Variants in MAN2B1 observed in about 807,000 individuals in gnomAD.
MAN2B1 encodes lysosomal alpha-mannosidase.
MAN2B1 carries 99 observed loss-of-function variants against 127.5 expected under a neutral mutation model. The ratio of observed to expected loss-of-function variants is 0.78; its 90% CI spans 0.66 to 0.92. The LOEUF is 0.92. Ranked by LOEUF, MAN2B1 falls within the 40% of genes least tolerant of loss-of-function variation. The pLI is 0.00. For missense variants in MAN2B1, 1,304 were observed against 1,384.8 expected (o/e 0.94, Z 0.93); for synonymous variants, 573 against 568.8 (o/e 1.01, Z -0.11).
chr19:12,665,142 AG>A, intron 3 of MAN2B1, 157 bp from the exon 4 acceptor site: 1 of 1,014,326 alleles, frequency 9.9e-7, no homozygotes, highest in Non-Finnish European at 1.5e-6. Context: ...TATGGGAAAG[AG>A]GCCCCCTGCA....
intron 21 of MAN2B1, 129 bp downstream of exon 21, chr19:12,648,046 G>T (rs1372196044): frequency 2.1e-6 from 2 of 972,610 alleles, no homozygotes; most frequent in East Asian, 2.6e-5. Flanking sequence ...AGGGGATGGG[G>T]TTGGCCCGAG....
At chr19:12,648,436 C>CCAG (rs750339878) in intron 20 of MAN2B1, 34 bp from the exon 21 acceptor site, 2 of 1,557,654 alleles carry the variant, frequency 1.3e-6, no homozygotes, top group Admixed American at 3.4e-5. Context: ...GGGTGAGAGT[C>CCAG]GTGGGTTTGT....
At chr19:12,649,086 G>C in intron 20 of MAN2B1, 50 bp downstream of exon 20, 1 of 1,497,282 alleles carries the variant, frequency 6.7e-7, no homozygotes, top group Non-Finnish European at 9.3e-7. Context: ...GGTCCAGCAG[G>C]GGTCCAGGTT....
In MAN2B1 at chr19:12,666,660, G is replaced by T; in HGVS notation, c.42C>A (p.Gly14=). The change falls in exon 1 of 24, where the codon GGC becomes GGA. Residue 14 remains glycine, a synonymous_variant. Coordinates refer to ENST00000456935, the MANE Select transcript of MAN2B1 (RefSeq NM_000528.4). The part of the protein sequence containing the change: ...YARASGVCAR[G]CLDSAGPWTM... ...TCCAGGGGCCTGCTGAGTCCAGGCA[G>T]CCGCGAGCGCAGACCCCCGAAGCCC... 1 of 1,552,418 alleles carries T rather than the reference G, an allele frequency of 6.4e-7. No homozygotes were observed. The highest frequency in any genetic ancestry group is 2.0e-5 in the Admixed American group (1 of 51,164).
intron 11 of MAN2B1, 96 bp downstream of exon 11, chr19:12,657,350 G>A: frequency 1.7e-6 from 2 of 1,171,564 alleles, no homozygotes; most frequent in South Asian, 1.4e-5. Context: ...AGGGCTCTCG[G>A]CTACGCCTCA....
Position 12,665,539 on chromosome 19 carries a change from G to A in MAN2B1, c.263-14C>T. 1 of 1,614,048 alleles carries A rather than the reference G, an allele frequency of 6.2e-7. No individual in the cohort carries two copies. Among genetic ancestry groups the A allele is most frequent in the Non-Finnish European group, 8.5e-7 (1 of 1,179,992 alleles). ...TGTCATTCTTGACTGTGGATAACAG[G>A]GATAAGGCTCTCAGGGAACAGCAGA... is the stretch of plus-strand genomic sequence containing the variant. On this transcript the variant is annotated splice_polypyrimidine_tract_variant and intron_variant, in intron 2 of 23. Transcript: ENST00000456935.
In MAN2B1 at chr19:12,657,032, G is replaced by C. The variant is rs533428309; in HGVS notation, c.1444C>G (p.Arg482Gly). The change falls in exon 12 of 24, where the codon CGG becomes GGG. Residue 482 changes from arginine to glycine, a missense_variant. Coordinates refer to ENST00000456935, the MANE Select transcript of MAN2B1 (RefSeq NM_000528.4). ...CEVLLSNALA[R>G]LRGFKDHFTF... Reference sequence around the variant, plus strand: ...AAGTGATCTTTGAAGCCTCTGAGCCGCGCCAGCGCGTTGCTCAGAAGAACC... The same window carrying C: ...AAGTGATCTTTGAAGCCTCTGAGCCCCGCCAGCGCGTTGCTCAGAAGAACC... The C allele has an allele frequency of 1.2e-6, 2 of 1,611,912 alleles. No homozygotes were observed. Among genetic ancestry groups the C allele is most frequent in the South Asian group, 2.2e-5 (2 of 90,948 alleles).
rs577891354 is a variant in MAN2B1 at position 12,657,336 on chromosome 19, C to T, written c.1419+110G>A. 2.1e-4 allele frequency: 217 copies of T among 1,053,860 alleles called. 3 individuals carry two copies. The South Asian group carries it at 2.4e-3, about 12-fold the overall frequency. 65.3% of individuals were successfully genotyped at this position (1,053,860 alleles called of 1,614,324 possible). On this transcript the variant is annotated intron_variant, in intron 11 of 23. Coordinates refer to ENST00000456935, the MANE Select transcript of MAN2B1 (RefSeq NM_000528.4). Reference sequence around the variant, plus strand: ...GCCCCCACGAGCCCTTGTAGCCCCGCCACAGGGCTCTCGGCTACGCCTCAC... The same window carrying T: ...GCCCCCACGAGCCCTTGTAGCCCCGTCACAGGGCTCTCGGCTACGCCTCAC...
intron 11 of MAN2B1, 52 bp downstream of exon 11, chr19:12,657,394 C>T (rs2023992399): frequency 6.8e-7 from 1 of 1,475,460 alleles, no homozygotes; most frequent in South Asian, 1.2e-5. Flanking sequence ...AGGCCCTGGC[C>T]CCGCCCCTTC....
At chr19:12,658,579 A>C (rs1001534259) in intron 7 of MAN2B1, 69 bp from the exon 8 acceptor site, 1 of 1,319,494 alleles carries the variant, frequency 7.6e-7, no homozygotes, top group African/African-American at 1.5e-5. Flanking sequence ...ACTTCCACAC[A>C]TGTGTGCACA....
rs1351264934 is a variant in MAN2B1 at position 12,663,768 on chromosome 19, A to T, written c.698T>A (p.Leu233Gln). ...GGCCCGCCACACCTGCTCCATCTCC[A>T]GCTTCTGCATCCGTACCCACTTATC... ...YQDKWVRMQK[L>Q]EMEQVWRAST... Residue 233 changes from leucine to glutamine, a missense_variant, in exon 5 of 24, where the codon CTG (leucine) becomes CAG (glutamine). By Grantham distance (113) the Leu-to-Gln change is moderately radical. Transcript: ENST00000456935. 6 of 1,614,144 alleles carry T rather than the reference A, an allele frequency of 3.7e-6. No individual in the cohort carries two copies. The highest frequency in any genetic ancestry group is 5.1e-6 in the Non-Finnish European group (6 of 1,180,020).
chr19:12,663,370 CG>C lies in MAN2B1; in HGVS notation c.855del (p.Glu286SerfsTer12). Reference protein sequence around the residue: ...DQPLVEDPRSPEYNAKELVDY... With the variant: ...DQPLVEDPRSXEYNAKELVDY... The stretch of plus-strand genomic sequence containing the variant: ...TCGACCAGCTCCTTGGCGTTGTACT[CG>C]GGGCTGCGAGGGTCCTCCACCAGCG... On this transcript the variant is annotated frameshift_variant, in exon 6 of 24. Transcript: ENST00000456935. LOFTEE classifies it high-confidence loss of function. 6.2e-7 allele frequency: 1 copy of C among 1,614,098 alleles called. No individual in the cohort carries two copies. Among genetic ancestry groups the C allele is most frequent in the Non-Finnish European group, 8.5e-7 (1 of 1,179,990 alleles).
chr19:12,649,170 C>A lies in MAN2B1; in HGVS notation c.2402G>T (p.Gly801Val). Reference sequence around the variant, plus strand: ...CAGCGAGCCATCTCTCAGGCTGCTGCCCCCCTGGGAGCGGTCAGTCAGCAC... The same window carrying A: ...CAGCGAGCCATCTCTCAGGCTGCTGACCCCCTGGGAGCGGTCAGTCAGCAC... ...LTVLTDRSQGGSSLRDGSLEL... is the reference protein window; with the variant it reads ...LTVLTDRSQGVSSLRDGSLEL... The change falls in exon 20 of 24, where the codon GGC (glycine) becomes GTC (valine). Residue 801 changes from glycine (G) to valine (V), a missense_variant. Gly to Val is a moderately radical substitution (Grantham distance 109). Coordinates refer to ENST00000456935, the MANE Select transcript of MAN2B1 (RefSeq NM_000528.4). 1 of 1,612,556 alleles carries A rather than the reference C, an allele frequency of 6.2e-7. No individual in the cohort carries two copies. Among genetic ancestry groups the A allele is most frequent in the Non-Finnish European group, 8.5e-7 (1 of 1,179,924 alleles).
intron 3 of MAN2B1, 111 bp downstream of exon 3, chr19:12,665,241 G>A (rs1033621063): frequency 7.3e-5 from 99 of 1,352,356 alleles, no homozygotes; most frequent in East Asian, 9.2e-5. Context: ...CAGGCGGAGC[G>A]ACACGCATGT....
chr19:12,657,048 C>A lies in MAN2B1; in HGVS notation c.1428G>T (p.Leu476=), dbSNP rs2023980174. The A allele has an allele frequency of 1.2e-6, 2 of 1,607,352 alleles. No homozygotes were observed. The highest frequency in any genetic ancestry group is 2.2e-5 in the South Asian group (2 of 90,638). ...AAGWGPCEVL[L]SNALARLRGF... The stretch of plus-strand genomic sequence containing the variant: ...CTCTGAGCCGCGCCAGCGCGTTGCT[C>A]AGAAGAACCTGCGGAAGAGCGCAAA... Residue 476 remains leucine (L), a synonymous_variant, in exon 12 of 24, where the codon CTG becomes CTT. Transcript: ENST00000456935.
Position 12,657,684 on chromosome 19 carries a change from G to T in MAN2B1, c.1310-129C>A, listed in dbSNP as rs1217340680. ...AAGAAGGAACTCGAGGACGGCTGGG[G>T]GCGGTGGCTCACGCCTGTAATCCCA... On this transcript the variant is annotated intron_variant, in intron 10 of 23. Transcript: ENST00000456935. The T allele has an allele frequency of 1.5e-5, 13 of 846,936 alleles. No individual in the cohort carries two copies. In the South Asian group the frequency reaches 1.9e-4, roughly 12 times the overall value. 52.5% of individuals were successfully genotyped at this position (846,936 alleles called of 1,614,324 possible).
chr19:12,664,331 C>T (rs757638896), intron 4 of MAN2B1, among the ~76,000 whole-genome samples: 9 of 152,182 alleles, frequency 5.9e-5, no homozygotes, highest in Non-Finnish European at 1.3e-4. Flanking sequence ...AGGGAGAGGG[C>T]GGGTCCAACA....
rs1378426155 is a variant in MAN2B1 at position 12,657,059 on chromosome 19, G to A, written c.1420-3C>T. The A allele has an allele frequency of 6.3e-7, 1 of 1,583,852 alleles. No individual in the cohort carries two copies. The highest frequency in any genetic ancestry group is 8.6e-7 in the Non-Finnish European group (1 of 1,158,318). ...GCCAGCGCGTTGCTCAGAAGAACCT[G>A]CGGAAGAGCGCAAAGGGACCGGTGG... On this transcript the variant is annotated splice_region_variant and splice_polypyrimidine_tract_variant and intron_variant, in intron 11 of 23. Coordinates refer to ENST00000456935, the MANE Select transcript of MAN2B1 (RefSeq NM_000528.4).
At chr19:12,656,870 A>T in intron 12 of MAN2B1, 79 bp downstream of exon 12, 2 of 1,218,968 alleles carry the variant, frequency 1.6e-6, no homozygotes, top group Non-Finnish European at 2.4e-6. Context: ...TCACTCCTGT[A>T]TAGTCCTCCA....
Sources: gnomAD v4.1 joint callset for allele counts (sites outside exome capture counted in the v4.1 genomes callset) on GRCh38, gnomAD v4.1.1 for gene constraint, MANE v1.5 for transcripts, NCBI Gene and HGNC (gene_info 2026-07-23, HGNC 2026-07-21) for gene names.